The following ZDHHC3 variants were observed in gnomAD, a reference collection of about 807,000 sequenced individuals.
ZDHHC3 encodes zDHHC palmitoyltransferase 3.
ZDHHC3 carries 9 observed loss-of-function variants against 30.6 expected under a neutral mutation model. The observed-to-expected ratio is 0.29, with a 90% CI of 0.18 to 0.51. The LOEUF (loss-of-function observed/expected upper bound fraction) is 0.51. Among genes scored for constraint, ZDHHC3 ranks in the 20% least tolerant of loss-of-function variants. ZDHHC3 has a pLI of 0.97. For synonymous variants in ZDHHC3, 136 were observed against 140.2 expected (o/e 0.97, Z 0.21); for missense variants, 246 against 384.2 (o/e 0.64, Z 3.01).
At chr3:44,937,131 T>C (rs983904323) in intron 3 of ZDHHC3, among the ~76,000 whole-genome samples, 6 of 152,094 alleles carry the variant, frequency 3.9e-5, no homozygotes, top group Non-Finnish European at 8.8e-5. Context: ...AATAATACAA[T>C]TATATTTCCT....
At chr3:44,969,433 C>T (rs990889461) in intron 1 of ZDHHC3, among the ~76,000 whole-genome samples, 8 of 152,202 alleles carry the variant, frequency 5.3e-5, no homozygotes, top group African/African-American at 1.9e-4. Context: ...AAAACTGAAG[C>T]ATGCCTACAA....
intron 3 of ZDHHC3, among the ~76,000 whole-genome samples, chr3:44,938,652 T>C (rs1702182856): frequency 6.6e-6 from 1 of 152,226 alleles, no homozygotes; most frequent in Non-Finnish European, 1.5e-5. Flanking sequence ...GGCAGGTGGA[T>C]GCTGGAGGAA....
chr3:44,958,697 T>C (rs1704184394), intron 2 of ZDHHC3: 1 of 1,534,990 alleles, frequency 6.5e-7, no homozygotes, highest in African/African-American at 1.4e-5. Flanking sequence ...TGGAATTGGA[T>C]GTGGCTTTAA....
Position 44,918,203 on chromosome 3 carries a change from T to A in ZDHHC3, c.*8486A>T. On this transcript the variant is annotated 3_prime_UTR_variant, in exon 7 of 7. Transcript: ENST00000424952. ...GTGGTGCTGGGCTGTACAGCTCACA[T>A]AGACACCCCCAGCTATAGCATAGCA... is the stretch of plus-strand genomic sequence containing the variant. 2 of 1,252,678 alleles carry A rather than the reference T, an allele frequency of 1.6e-6. No homozygotes were observed. The highest frequency in any genetic ancestry group is 2.1e-6 in the Non-Finnish European group (2 of 961,200). The allele number at this position is 1,252,678 out of a possible 1,614,324, so 77.6% of individuals were successfully genotyped here. A position where few individuals can be genotyped will look rare whatever the true frequency, so the allele number is the denominator to read the frequency against.
At chr3:44,936,193 C>A (rs1701944800) in intron 3 of ZDHHC3, among the ~76,000 whole-genome samples, 1 of 151,972 alleles carries the variant, frequency 6.6e-6, no homozygotes, top group South Asian at 2.1e-4. Flanking sequence ...AAAAAGTAGG[C>A]AAAGGACATG....
rs527245195 is a variant in ZDHHC3, at chr3:44,957,113, C to A, written c.306+2018G>T. On this transcript the variant is annotated intron_variant, in intron 2 of 6. Transcript: ENST00000424952. ...ATTCAGGTCAGCTCAAAAGGCACCA[C>A]CTCAGAGATGACTTCTTAGACCACC... is the stretch of plus-strand genomic sequence containing the variant. Among the ~76,000 whole-genome samples, 4 of 152,308 alleles carry A rather than the reference C, an allele frequency of 2.6e-5. No homozygotes were observed. The South Asian group carries it at 6.2e-4, about 24-fold the overall frequency.
chr3:44,946,950 T>C (rs1431424232), intron 2 of ZDHHC3, among the ~76,000 whole-genome samples: 1 of 152,168 alleles, frequency 6.6e-6, no homozygotes, highest in South Asian at 2.1e-4. Flanking sequence ...CTGTGTTATG[T>C]GGATCATATA....
intron 1 of ZDHHC3, among the ~76,000 whole-genome samples, chr3:44,967,965 A>C (rs1466212456): frequency 6.6e-6 from 1 of 152,164 alleles, no homozygotes; most frequent in Admixed American, 6.5e-5. Context: ...TCTTACAGCA[A>C]CCCAGCATGG....
chr3:44,950,870 G>A (rs1055261388), intron 2 of ZDHHC3, among the ~76,000 whole-genome samples: 1 of 152,156 alleles, frequency 6.6e-6, no homozygotes, highest in African/African-American at 2.4e-5. Context: ...TGTCATGCTT[G>A]CATTACTGAG....
Position 44,918,998 on chromosome 3 carries a change from C to G in ZDHHC3, c.*7691G>C, listed in dbSNP as rs1286396799. On this transcript the variant is annotated 3_prime_UTR_variant, in exon 7 of 7. Transcript: ENST00000424952. ...GGGAATTTGCTGTGGGTTTGCTGGG[C>G]TTGGGCACTGCTCCTTCACATGACT... 1 of 985,380 alleles carries G rather than the reference C, an allele frequency of 1.0e-6. No individual in the cohort carries two copies. Among genetic ancestry groups the G allele is most frequent in the Non-Finnish European group, 1.2e-6 (1 of 829,984 alleles). The allele number at this position is 985,380 out of a possible 1,614,324, so 61.0% of individuals were successfully genotyped here. A position where few individuals can be genotyped will look rare whatever the true frequency, so the allele number is the denominator to read the frequency against.
chr3:44,938,236 G>A (rs996453846), intron 3 of ZDHHC3: 7 of 186,618 alleles, frequency 3.8e-5, no homozygotes, highest in Non-Finnish European at 7.9e-5. Context: ...CCCCCGCCTC[G>A]GCCTCCCAAA....
At chr3:44,951,912 T>A (rs1703490430) in intron 2 of ZDHHC3, among the ~76,000 whole-genome samples, 1 of 152,148 alleles carries the variant, frequency 6.6e-6, no homozygotes, top group Admixed American at 6.5e-5. Context: ...ATCCCGCCCA[T>A]CCAGGCTACT....
Position 44,923,571 on chromosome 3 carries a change from G to A in ZDHHC3, c.*3118C>T. On this transcript the variant is annotated 3_prime_UTR_variant, in exon 7 of 7. Coordinates refer to ENST00000424952, the MANE Select transcript of ZDHHC3 (RefSeq NM_001135179.2). Reference sequence around the variant, plus strand: ...AATCCCAGGACTTTGGGAGGCTAAGGCAGGAAAATTGCTGGAGGCCGGGCA... The same window carrying A: ...AATCCCAGGACTTTGGGAGGCTAAGACAGGAAAATTGCTGGAGGCCGGGCA... 1.0e-6 allele frequency: 1 copy of A among 983,034 alleles called. No homozygotes were observed. The highest frequency in any genetic ancestry group is 1.7e-5 in the African/African-American group (1 of 57,284). The allele number at this position is 983,034 out of a possible 1,614,324, so 60.9% of individuals were successfully genotyped here. A position where few individuals can be genotyped will look rare whatever the true frequency, so the allele number is the denominator to read the frequency against.
chr3:44,941,620 G>A (rs1702446952), intron 3 of ZDHHC3, among the ~76,000 whole-genome samples: 2 of 151,994 alleles, frequency 1.3e-5, no homozygotes, highest in African/African-American at 4.8e-5. Flanking sequence ...GGCTGCCAAA[G>A]TCAGAGGTCT....
chr3:44,956,049 GGC>G (rs1181415598), intron 2 of ZDHHC3, among the ~76,000 whole-genome samples: 2 of 152,206 alleles, frequency 1.3e-5, no homozygotes, highest in African/African-American at 4.8e-5. Flanking sequence ...ATTGGAAGCT[GGC>G]AACACACCAC....
In ZDHHC3 at chr3:44,945,215, C is replaced by T. The variant is rs1191767121; in HGVS notation, c.384G>A (p.Lys128=). The stretch of plus-strand genomic sequence containing the variant: ...GCTTGATGCTGCAGCATTTGGGGCA[C>T]TTGTACACCACCTGCCCAGGCTTCA... ...LQLKPGQVVY[K]CPKCCSIKPD... The change falls in exon 3 of 7, where the codon AAG becomes AAA. Residue 128 remains lysine (K), a synonymous_variant. Transcript: ENST00000424952. 14 of 1,614,160 alleles carry T rather than the reference C, an allele frequency of 8.7e-6. No homozygotes were observed. Among genetic ancestry groups the T allele is most frequent in the East Asian group, 4.5e-5 (2 of 44,882 alleles).
rs934004672 is a variant in ZDHHC3, at chr3:44,923,553, G to A, written c.*3136C>T. 1.0e-6 allele frequency: 1 copy of A among 984,994 alleles called. No homozygotes were observed. The highest frequency in any genetic ancestry group is 1.2e-6 in the Non-Finnish European group (1 of 829,560). 61.0% of individuals were successfully genotyped at this position (984,994 alleles called of 1,614,324 possible). ...CCAGTGGCTCACGCCTGTAATCCCA[G>A]GACTTTGGGAGGCTAAGGCAGGAAA... On this transcript the variant is annotated 3_prime_UTR_variant, in exon 7 of 7. Coordinates refer to ENST00000424952, the MANE Select transcript of ZDHHC3 (RefSeq NM_001135179.2).
rs564551041 is a variant in ZDHHC3 at position 44,959,501 on chromosome 3, T to C, written c.-24-41A>G. ...AAGAATCCAGAAACTTGGTGTTGTC[T>C]TGTCATCAAGGAGGTTTGACAAAAT... On this transcript the variant is annotated intron_variant, in intron 1 of 6. Coordinates refer to ENST00000424952, the MANE Select transcript of ZDHHC3 (RefSeq NM_001135179.2). This position sits in a 1 kb window ranked among gnomAD's most constrained non-coding sequence, Gnocchi z 4.3. The C allele has an allele frequency of 5.5e-5, 86 of 1,555,264 alleles. No individual in the cohort carries two copies. The highest frequency in any genetic ancestry group is 5.0e-4 in the Admixed American group (27 of 54,516).
chr3:44,934,213 CT>C (rs950908851), intron 3 of ZDHHC3, among the ~76,000 whole-genome samples: 3 of 152,254 alleles, frequency 2.0e-5, no homozygotes, highest in Non-Finnish European at 4.4e-5. Flanking sequence ...AGCCCCTTAG[CT>C]TAACACATAC....
Sources: allele counts gnomAD v4.1 joint callset (sites outside exome capture counted in the v4.1 genomes callset), GRCh38; gene constraint gnomAD v4.1.1; non-coding constraint Gnocchi (gnomAD v3.1); transcripts MANE v1.5; gene names NCBI Gene and HGNC (gene_info 2026-07-23, HGNC 2026-07-21).